GRID2: variants seen among roughly 807,000 people sequenced by gnomAD.
The protein encoded by GRID2 is glutamate ionotropic receptor delta type subunit 2, also known as glutamate receptor ionotropic, delta-2.
A neutral mutation model predicts 114.8 loss-of-function variants in GRID2; 33 were observed. The ratio of observed to expected loss-of-function variants is 0.29; its 90% CI spans 0.22 to 0.38. The LOEUF is 0.38. GRID2 is among the 10% of genes least tolerant of loss of function. GRID2 has a pLI of 1.00. For missense variants in GRID2, 1,184 were observed against 1,257.7 expected (o/e 0.94, Z 0.89); for synonymous variants, 505 against 449.9 (o/e 1.12, Z -1.55).
chr4:92,414,178 T>G (rs1265682545), intron 1 of GRID2, among the ~76,000 whole-genome samples: 7 of 152,172 alleles, frequency 4.6e-5, no homozygotes, highest in Non-Finnish European at 8.8e-5. Context: ...TCTGAGACAA[T>G]AGCTAGTGGG....
intron 1 of GRID2, among the ~76,000 whole-genome samples, chr4:92,416,482 C>T (rs1453394156): frequency 1.3e-5 from 2 of 152,114 alleles, no homozygotes; most frequent in Admixed American, 6.6e-5. Flanking sequence ...TTTGCCTAAG[C>T]CAATGTCTAG....
At chr4:92,817,244 G>A (rs1207028017) in intron 2 of GRID2, among the ~76,000 whole-genome samples, 1 of 151,434 alleles carries the variant, frequency 6.6e-6, no homozygotes, top group Admixed American at 6.6e-5. Flanking sequence ...TTCTTATTTG[G>A]CTTAATTCAT....
At chr4:92,309,714 C>G (rs1156888382) in intron 1 of GRID2, among the ~76,000 whole-genome samples, 1 of 151,674 alleles carries the variant, frequency 6.6e-6, no homozygotes, top group Admixed American at 6.6e-5. Flanking sequence ...CACCTGATAC[C>G]CTCTAAACAA....
intron 14 of GRID2, among the ~76,000 whole-genome samples, chr4:93,736,352 C>T (rs183218111): frequency 6.6e-6 from 1 of 151,948 alleles, no homozygotes; most frequent in African/African-American, 2.4e-5. Context: ...TTGTAACAAC[C>T]CCAGGAGATG....
rs139093139 is a variant in GRID2, at chr4:92,486,781, A to G, written c.89-103350A>G. On this transcript the variant is annotated intron_variant, in intron 1 of 15. Coordinates refer to ENST00000282020, the MANE Select transcript of GRID2 (RefSeq NM_001510.4). ...AAATAGATAAAGGATATGAATAGAC[A>G]TTTCTCCAAGAAGAGATACAAATGG... Among the ~76,000 whole-genome samples, 101 of 152,106 alleles carry G rather than the reference A, an allele frequency of 6.6e-4. 1 individual carries two copies. The East Asian group carries it at 8.7e-3, about 13-fold the overall frequency.
intron 1 of GRID2, among the ~76,000 whole-genome samples, chr4:92,519,913 T>TG (rs1724683201): frequency 1.3e-5 from 2 of 151,932 alleles, no homozygotes; most frequent in Admixed American, 6.6e-5. Context: ...CCACCCATAT[T>TG]GGGGGGCGGA....
rs114028014 is a variant in GRID2 at position 93,112,150 on chromosome 4, A to G, written c.735+1197A>G. On this transcript the variant is annotated intron_variant, in intron 4 of 15. Transcript: ENST00000282020. ...TGGGAGTGAGTACACAGAGGATGTA[A>G]TATAAATTAGGATGTTAAAATTGCA... 288 of 152,288 alleles carry G rather than the reference A, an allele frequency of 1.9e-3. 2 individuals carry two copies. Among genetic ancestry groups the G allele is most frequent in the African/African-American group, 6.7e-3 (279 of 41,564 alleles). 9.4% of individuals were successfully genotyped at this position (152,288 alleles called of 1,614,324 possible). A position where few individuals can be genotyped will look rare whatever the true frequency, so the allele number is the denominator to read the frequency against.
At chr4:93,085,630 T>G (rs1344049891) in intron 3 of GRID2, among the ~76,000 whole-genome samples, 2 of 152,184 alleles carry the variant, frequency 1.3e-5, no homozygotes, top group East Asian at 3.9e-4. Context: ...TGTATACCTC[T>G]CTATAATGCA....
chr4:93,078,360 C>A (rs1460699342), intron 2 of GRID2, among the ~76,000 whole-genome samples: 1 of 152,050 alleles, frequency 6.6e-6, no homozygotes, highest in Non-Finnish European at 1.5e-5. Context: ...TGGCCTGGAA[C>A]CTACTCAGTA....
At chr4:92,440,137 T>A (rs190747973) in intron 1 of GRID2, among the ~76,000 whole-genome samples, 4 of 146,410 alleles carry the variant, frequency 2.7e-5, no homozygotes, top group African/African-American at 9.7e-5. Flanking sequence ...TGTCCAGTCC[T>A]TTTTAAGTTG....
intron 8 of GRID2, among the ~76,000 whole-genome samples, chr4:93,360,263 T>A (rs1044053687): frequency 6.6e-6 from 1 of 152,056 alleles, no homozygotes; most frequent in African/African-American, 2.4e-5. Flanking sequence ...AATGTATTCA[T>A]TTCTTCCTTT....
chr4:93,225,732 A>G (rs949254506), intron 7 of GRID2, among the ~76,000 whole-genome samples: 2 of 152,234 alleles, frequency 1.3e-5, no homozygotes, highest in Admixed American at 1.3e-4. Flanking sequence ...TATTTTAAAT[A>G]GAGAATAGCC....
intron 2 of GRID2, among the ~76,000 whole-genome samples, chr4:92,751,971 C>T (rs929384490): frequency 2.6e-5 from 4 of 152,110 alleles, no homozygotes; most frequent in African/African-American, 9.7e-5. Context: ...TAAGGGCTGT[C>T]GGTGACCTTG....
intron 2 of GRID2, among the ~76,000 whole-genome samples, chr4:92,675,519 A>G: frequency 6.6e-6 from 1 of 150,576 alleles, no homozygotes; most frequent in Admixed American, 6.6e-5. Flanking sequence ...CTCTTTGCCC[A>G]CTAAGAAACA....
intron 8 of GRID2, among the ~76,000 whole-genome samples, chr4:93,394,525 A>G (rs905384082): frequency 2.6e-5 from 4 of 151,922 alleles, no homozygotes; most frequent in Admixed American, 2.0e-4. Flanking sequence ...GCCAGCCAGT[A>G]TGTAGATGAC....
chr4:92,656,311 G>T (rs987829066), intron 2 of GRID2, among the ~76,000 whole-genome samples: 2 of 151,060 alleles, frequency 1.3e-5, no homozygotes, highest in Non-Finnish European at 3.0e-5. Context: ...ATCTCTTTTT[G>T]ATGTCATTAC....
intron 2 of GRID2, among the ~76,000 whole-genome samples, chr4:92,876,797 A>T (rs1024349956): frequency 2.0e-5 from 3 of 152,218 alleles, no homozygotes; most frequent in Non-Finnish European, 4.4e-5. Flanking sequence ...CTAAGAATTT[A>T]TAGTTTTAGC....
chr4:92,407,353 T>G (rs764151675), intron 1 of GRID2, among the ~76,000 whole-genome samples: 69 of 152,326 alleles, frequency 4.5e-4, no homozygotes, highest in Admixed American at 7.2e-4. Flanking sequence ...ATAGGTTGAT[T>G]CCATGTCCTT....
At chr4:93,207,579 TG>T (rs1742957948) in intron 5 of GRID2, 122 bp downstream of exon 5, 1 of 652,446 alleles carries the variant, frequency 1.5e-6, no homozygotes, top group African/African-American at 1.9e-5. Context: ...TTCAACTTAC[TG>T]AGTGAATGCT....
Sources: allele counts gnomAD v4.1 joint callset (sites outside exome capture counted in the v4.1 genomes callset), GRCh38; gene constraint gnomAD v4.1.1; transcripts MANE v1.5; gene names NCBI Gene and HGNC (gene_info 2026-07-23, HGNC 2026-07-21).